The following EYA1 variants were observed in gnomAD, a reference collection of about 807,000 sequenced individuals.
EYA1 encodes EYA transcriptional coactivator and phosphatase 1.
A neutral mutation model predicts 82.0 loss-of-function variants in EYA1; 16 were observed. The observed-to-expected ratio is 0.20, with a 90% CI of 0.13 to 0.30. EYA1 has a LOEUF of 0.30. Among genes scored for constraint, EYA1 ranks in the 10% least tolerant of loss-of-function variants. The pLI is 1.00. For synonymous variants in EYA1, 261 were observed against 264.4 expected (o/e 0.99, Z 0.12); for missense variants, 633 against 730.7 (o/e 0.87, Z 1.54).
intron 2 of EYA1, among the ~76,000 whole-genome samples, chr8:71,475,772 G>T (rs1456622466): frequency 6.6e-6 from 1 of 152,028 alleles, no homozygotes; most frequent in Non-Finnish European, 1.5e-5. Context: ...AAAAATCCTT[G>T]CTGGCTATAA....
At chr8:71,311,403 C>T (rs561788281) in intron 7 of EYA1, among the ~76,000 whole-genome samples, 29 of 152,292 alleles carry the variant, frequency 1.9e-4, no homozygotes, top group Middle Eastern at 3.4e-3. Flanking sequence ...CACAACACCC[C>T]GTTTCACTAT....
At chr8:71,484,989 A>G (rs1183024801) in intron 2 of EYA1, among the ~76,000 whole-genome samples, 1 of 152,246 alleles carries the variant, frequency 6.6e-6, no homozygotes, top group Non-Finnish European at 1.5e-5. Context: ...CTTCAACTGC[A>G]TTGCCAACCA....
intron 2 of EYA1, among the ~76,000 whole-genome samples, chr8:71,500,821 G>T (rs1435822610): frequency 6.6e-6 from 1 of 151,954 alleles, no homozygotes; most frequent in Admixed American, 6.6e-5. Context: ...ATTTCTACTG[G>T]TATAAAAGGT....
At chr8:71,204,686 TCTC>T (rs916844231) in intron 17 of EYA1, among the ~76,000 whole-genome samples, 6 of 152,240 alleles carry the variant, frequency 3.9e-5, no homozygotes, top group African/African-American at 1.4e-4. Context: ...AGTGTATACT[TCTC>T]ATTTGTGTAA....
At chr8:71,362,155 C>CTTTTTTTTTTTTTT (rs35320129), upstream of EYA1, 39 of 824,556 alleles carry the variant, frequency 4.7e-5, no homozygotes, top group African/African-American at 1.9e-4. Context: ...TCGGGGCTTT[C>CTTTTTTTTTTTTTT]TTTTTTTTTT....
chr8:71,451,314 T>C (rs1036357666), intron 2 of EYA1, among the ~76,000 whole-genome samples: 3 of 152,226 alleles, frequency 2.0e-5, no homozygotes, highest in Non-Finnish European at 4.4e-5. Context: ...AACAGAAGAA[T>C]ATTTTTTAAA....
At chr8:71,397,907 C>T (rs1286931060) in intron 2 of EYA1, among the ~76,000 whole-genome samples, 1 of 152,156 alleles carries the variant, frequency 6.6e-6, no homozygotes, top group Non-Finnish European at 1.5e-5. Flanking sequence ...TCCATTCTCC[C>T]CGTCACTTTC....
intron 11 of EYA1, among the ~76,000 whole-genome samples, chr8:71,268,418 T>C (rs946155369): frequency 6.6e-6 from 1 of 152,226 alleles, no homozygotes; most frequent in African/African-American, 2.4e-5. Flanking sequence ...TTTTAAGTAG[T>C]AGTTTTTCTA....
At chr8:71,534,307 C>G (rs1814521213) in intron 2 of EYA1, among the ~76,000 whole-genome samples, 1 of 152,122 alleles carries the variant, frequency 6.6e-6, no homozygotes, top group Non-Finnish European at 1.5e-5. Context: ...TTTAAACAAA[C>G]AAACAAATGA....
At chr8:71,459,737 T>C (rs765848006) in intron 2 of EYA1, among the ~76,000 whole-genome samples, 1 of 152,166 alleles carries the variant, frequency 6.6e-6, no homozygotes, top group Non-Finnish European at 1.5e-5. Flanking sequence ...TTTTTATTTG[T>C]CTTTCCAACA....
Position 71,476,151 on chromosome 8 carries a change from A to G in EYA1, c.33+59593T>C, listed in dbSNP as rs569435777. Among the ~76,000 whole-genome samples, 13 of 152,204 alleles carry G rather than the reference A, an allele frequency of 8.5e-5. No individual in the cohort carries two copies. In the East Asian group the frequency reaches 2.5e-3, roughly 29 times the overall value. ...CCAATCCTTCATATACCTTTTAACC[A>G]TGTGATATTCTCCAAGTCTCAGAAA... On this transcript the variant is annotated intron_variant, in intron 2 of 18. Coordinates refer to the EYA1 transcript ENST00000643681.
intron 3 of EYA1, among the ~76,000 whole-genome samples, chr8:71,345,999 CACACACGT>C (rs1182218926): frequency 2.4e-4 from 37 of 152,098 alleles, no homozygotes; most frequent in African/African-American, 8.5e-4. Flanking sequence ...CAAACACACA[CACACACGT>C]GCACACGTGC....
chr8:71,472,516 A>G (rs1283551924), intron 2 of EYA1, among the ~76,000 whole-genome samples: 1 of 152,074 alleles, frequency 6.6e-6, no homozygotes, highest in African/African-American at 2.4e-5. Flanking sequence ...AAACTATTAA[A>G]TAGTAAAAAG....
At chr8:71,501,882 T>C (rs73293146) in intron 2 of EYA1, among the ~76,000 whole-genome samples, 6 of 152,352 alleles carry the variant, frequency 3.9e-5, no homozygotes, top group East Asian at 1.9e-4. Flanking sequence ...TGTAAACTTA[T>C]ATTGTGGTGT....
intron 2 of EYA1, among the ~76,000 whole-genome samples, chr8:71,389,841 G>T (rs945661942): frequency 2.0e-5 from 3 of 152,156 alleles, no homozygotes; most frequent in African/African-American, 4.8e-5. Context: ...TCAAAGATCT[G>T]TAGGTTAATA....
intron 11 of EYA1, among the ~76,000 whole-genome samples, chr8:71,255,336 A>G (rs961844967): frequency 2.6e-5 from 4 of 152,206 alleles, no homozygotes; most frequent in African/African-American, 9.6e-5. Flanking sequence ...ACACTTGCCA[A>G]TTTCAAAACT....
Position 71,354,871 on chromosome 8 carries a change from C to G in EYA1, c.35G>C (p.Arg12Pro), listed in dbSNP as rs74720958. 38 of 1,613,500 alleles carry G rather than the reference C, an allele frequency of 2.4e-5. No individual in the cohort carries two copies. The Admixed American group carries it at 6.0e-4, about 25-fold the overall frequency. Residue 12 changes from arginine to proline, a missense_variant, in exon 3 of 18, where the codon CGT (arginine) becomes CCT (proline). Physicochemically the swap from Arg to Pro is moderately radical, Grantham distance 103. Coordinates refer to ENST00000340726, the MANE Select transcript of EYA1 (RefSeq NM_000503.6). Reference sequence around the variant, plus strand: ...GGGGGATTCACTACTACCACTCAGACGGCTATGCGGGCTGGTTAGATCCTG... The same window carrying G: ...GGGGGATTCACTACTACCACTCAGAGGGCTATGCGGGCTGGTTAGATCCTG... ...EMQDLTSPHS[R>P]LSGSSESPSG...
intron 2 of EYA1, among the ~76,000 whole-genome samples, chr8:71,459,408 G>GGC (rs1326587375): frequency 6.6e-6 from 1 of 151,982 alleles, no homozygotes; most frequent in Non-Finnish European, 1.5e-5. Context: ...TTAAGTTTTG[G>GGC]TGTAATGGGC....
At chr8:71,365,559 C>G (rs547117222), upstream of EYA1, among the ~76,000 whole-genome samples, 28 of 152,154 alleles carry the variant, frequency 1.8e-4, no homozygotes, top group Non-Finnish European at 3.2e-4. Context: ...GTAATTTAAA[C>G]TGTTCAAAGT....
Sources: gnomAD v4.1 joint callset for allele counts (sites outside exome capture counted in the v4.1 genomes callset) on GRCh38, gnomAD v4.1.1 for gene constraint, MANE v1.5 for transcripts, NCBI Gene and HGNC (gene_info 2026-07-23, HGNC 2026-07-21) for gene names.